RCOR1: variants seen among roughly 807,000 people sequenced by gnomAD.
RCOR1 encodes the protein REST corepressor.
RCOR1 carries 12 observed loss-of-function variants against 64.0 expected under a neutral mutation model. The ratio of observed to expected loss-of-function variants is 0.19; its 90% CI spans 0.12 to 0.30. The LOEUF is 0.30. Ranked by LOEUF, RCOR1 falls within the 10% of genes least tolerant of loss-of-function variation. RCOR1 has a pLI of 1.00. For missense variants in RCOR1, 502 were observed against 621.2 expected (o/e 0.81, Z 2.04); for synonymous variants, 279 against 227.2 (o/e 1.23, Z -2.05).
intron 2 of RCOR1, among the ~76,000 whole-genome samples, chr14:102,639,509 A>T (rs1277062386): frequency 8.3e-6 from 1 of 120,158 alleles, no homozygotes; most frequent in Non-Finnish European, 1.7e-5. Flanking sequence ...TTATTTATTT[A>T]TTTATTTATT....
intron 6 of RCOR1, among the ~76,000 whole-genome samples, chr14:102,709,814 T>G (rs1426060240): frequency 6.6e-6 from 1 of 152,238 alleles, no homozygotes; most frequent in Non-Finnish European, 1.5e-5. Context: ...TGCAGTTTAC[T>G]AAGCAGCAAT....
chr14:102,630,580 C>T (rs1257012609), intron 2 of RCOR1, among the ~76,000 whole-genome samples: 1 of 152,200 alleles, frequency 6.6e-6, no homozygotes, highest in African/African-American at 2.4e-5. Flanking sequence ...ACACATTTCT[C>T]AGCTTTCACC....
At chr14:102,698,376 C>T (rs185027241) in intron 3 of RCOR1, among the ~76,000 whole-genome samples, 1 of 152,302 alleles carries the variant, frequency 6.6e-6, no homozygotes, top group Non-Finnish European at 1.5e-5. Flanking sequence ...CTGGGCCACT[C>T]CAGGGACTCC....
intron 4 of RCOR1, among the ~76,000 whole-genome samples, chr14:102,704,013 C>G (rs1895800232): frequency 6.6e-6 from 1 of 152,222 alleles, no homozygotes; most frequent in Non-Finnish European, 1.5e-5. Flanking sequence ...TCTCCTGCAC[C>G]CACTCCCTTC....
intron 2 of RCOR1, among the ~76,000 whole-genome samples, chr14:102,669,554 C>T (rs765580318): frequency 6.6e-6 from 1 of 152,096 alleles, no homozygotes; most frequent in Non-Finnish European, 1.5e-5. Flanking sequence ...TTAACACCAC[C>T]GACTCTGTCT....
At position 102,681,940 on chromosome 14, in the gene RCOR1, T is replaced by G; in HGVS notation, c.407T>G (p.Leu136Trp). Residue 136 changes from leucine to tryptophan, a missense_variant, in exon 3 of 12, where the codon TTG (leucine) becomes TGG (tryptophan). This residue lies in a region of RCOR1 where 242 missense variants were observed against 204.9 expected (regional missense o/e 1.18). Transcript: ENST00000262241. ...RSQERDNLGM[L>W]VWSPNQNLSE... ...CAAGAACGGGACAATCTTGGCATGTTGGTCTGGTCACCCAATCAAAATCTG... is the reference window on the plus strand; with the variant it reads ...CAAGAACGGGACAATCTTGGCATGTGGGTCTGGTCACCCAATCAAAATCTG... The G allele has an allele frequency of 1.2e-6, 2 of 1,614,010 alleles. No homozygotes were observed. Among genetic ancestry groups the G allele is most frequent in the South Asian group, 2.2e-5 (2 of 91,070 alleles).
chr14:102,596,127 G>T (rs1196017394), intron 2 of RCOR1, among the ~76,000 whole-genome samples: 6 of 150,820 alleles, frequency 4.0e-5, no homozygotes, highest in African/African-American at 1.5e-4. Flanking sequence ...TTAATACGGA[G>T]TTTCACTCTT....
intron 3 of RCOR1, among the ~76,000 whole-genome samples, chr14:102,692,701 A>G (rs1016952013): frequency 7.4e-6 from 1 of 135,186 alleles, no homozygotes; most frequent in African/African-American, 2.8e-5. Context: ...ACTTTATTCA[A>G]CTACATCTCT....
intron 2 of RCOR1, among the ~76,000 whole-genome samples, chr14:102,654,583 G>A (rs1349421848): frequency 1.3e-5 from 2 of 151,972 alleles, no homozygotes; most frequent in Non-Finnish European, 2.9e-5. Flanking sequence ...TAGAATTAAT[G>A]AGGCCAGGCG....
chr14:102,665,367 T>C (rs1349950055), intron 2 of RCOR1, among the ~76,000 whole-genome samples: 3 of 150,364 alleles, frequency 2.0e-5, no homozygotes, highest in South Asian at 4.2e-4. Flanking sequence ...CTTGCCCAAC[T>C]ACAGGCTAAT....
At chr14:102,715,219 C>T (rs980090882) in intron 8 of RCOR1, among the ~76,000 whole-genome samples, 3 of 151,696 alleles carry the variant, frequency 2.0e-5, no homozygotes, top group Admixed American at 2.0e-4. Flanking sequence ...CAGGCACCCA[C>T]CACCACGCCC....
intron 8 of RCOR1, among the ~76,000 whole-genome samples, chr14:102,716,504 G>C (rs1896072441): frequency 6.6e-6 from 1 of 151,534 alleles, no homozygotes; most frequent in Admixed American, 6.6e-5. Context: ...TTTACATTTT[G>C]ATCTAGAAAT....
chr14:102,655,110 C>CTT lies in RCOR1; in HGVS notation c.362-26761_362-26760dup, dbSNP rs67404203. 563 of 104,490 alleles carry CTT rather than the reference C, an allele frequency of 5.4e-3. 5 individuals are homozygous for CTT. Among genetic ancestry groups the CTT allele is most frequent in the Non-Finnish European group, 7.7e-3 (472 of 61,380 alleles). 6.5% of individuals were successfully genotyped at this position (104,490 alleles called of 1,614,324 possible). A position where few individuals can be genotyped will look rare whatever the true frequency, so the allele number is the denominator to read the frequency against. ...TCTGGCATTCACCACCGCGGACAAC[C>CTT]TTTTTTTTTTTTTTTTTTTTTTTTT... is the stretch of plus-strand genomic sequence containing the variant. On this transcript the variant is annotated intron_variant, in intron 2 of 11. Transcript: ENST00000262241.
intron 2 of RCOR1, among the ~76,000 whole-genome samples, chr14:102,639,118 A>G (rs556002576): frequency 1.7e-4 from 26 of 152,296 alleles, no homozygotes; most frequent in African/African-American, 6.3e-4. Context: ...CTAGCTTGTA[A>G]TGTATTAAGA....
intron 3 of RCOR1, 77 bp from the exon 4 acceptor site, chr14:102,701,201 C>T (rs367962082): frequency 6.0e-5 from 69 of 1,153,720 alleles, no homozygotes; most frequent in East Asian, 4.0e-4. Flanking sequence ...GAAATATACA[C>T]GTATATCAAT....
rs969805064 is a variant in RCOR1, at chr14:102,618,677, C to T, written c.361+25352C>T. ...AATTTGCTTTTAAGTGACGTTTGTACATTTTAGAAAATAACTTTGTATATT... is the reference window on the plus strand; with the variant it reads ...AATTTGCTTTTAAGTGACGTTTGTATATTTTAGAAAATAACTTTGTATATT... On this transcript the variant is annotated intron_variant, in intron 2 of 11. Coordinates refer to ENST00000262241, the MANE Select transcript of RCOR1 (RefSeq NM_015156.4). Among the ~76,000 whole-genome samples, 3 of 152,166 alleles carry T rather than the reference C, an allele frequency of 2.0e-5. No individual in the cohort carries two copies. The East Asian group carries it at 5.8e-4, about 29-fold the overall frequency.
chr14:102,654,001 T>TCTTTGTTTCTTTCTTTC (rs1442195145), intron 2 of RCOR1, among the ~76,000 whole-genome samples: 1 of 131,686 alleles, frequency 7.6e-6, no homozygotes, highest in African/African-American at 3.1e-5. Context: ...TTTTTTTTTT[T>TCTTTGTTTCTTTCTTTC]TTGAGACGGA....
intron 2 of RCOR1, among the ~76,000 whole-genome samples, chr14:102,613,885 CTTTTTTTTTTTTT>C (rs71119719): frequency 9.0e-5 from 5 of 55,498 alleles, no homozygotes; most frequent in Admixed American, 7.9e-4. Context: ...ATTAACTATT[CTTTTTTTTTTTTT>C]TTTTTTTTTT....
At chr14:102,607,401 T>A (rs1005240914) in intron 2 of RCOR1, among the ~76,000 whole-genome samples, 4 of 152,184 alleles carry the variant, frequency 2.6e-5, no homozygotes, top group African/African-American at 9.7e-5. Context: ...ACATCTTGCA[T>A]AGATGTGTTT....
Sources: gnomAD v4.1 joint callset for allele counts (sites outside exome capture counted in the v4.1 genomes callset) on GRCh38, gnomAD v4.1.1 for gene constraint, gnomAD v4.1.1 regional missense constraint, MANE v1.5 for transcripts, NCBI Gene and HGNC (gene_info 2026-07-23, HGNC 2026-07-21) for gene names.